The following CFAP43 variants were observed in gnomAD, a reference collection of about 807,000 sequenced individuals.
CFAP43 encodes the protein cilia- and flagella-associated protein 43.
Under a neutral mutation model 218.9 loss-of-function variants are expected in CFAP43, and 155 were observed. The observed-to-expected ratio is 0.71, with a 90% CI of 0.62 to 0.81. CFAP43 has a LOEUF of 0.81. Ranked by LOEUF, CFAP43 falls within the 30% of genes least tolerant of loss-of-function variation. The probability of loss-of-function intolerance (pLI) is 0.00; values close to 1 mark genes in which losing one functional copy is unlikely to be tolerated. For missense variants in CFAP43, 1,778 were observed against 1,954.3 expected (o/e 0.91, Z 1.70); for synonymous variants, 645 against 681.3 (o/e 0.95, Z 0.83).
Position 104,161,056 on chromosome 10 carries a change from T to C in CFAP43, c.3521A>G (p.Glu1174Gly), listed in dbSNP as rs371556592. ...TCTGACCTTTCTATACTTATCTCTT[T>C]CTTCATTTAACTCCTTTACTTTTTT... ...YEKKVKELNE[E>G]RDKYRKSLEA... The change falls in exon 27 of 38, where the codon GAA becomes GGA. Residue 1174 changes from glutamate to glycine, a missense_variant. Glu to Gly is a moderately conservative substitution (Grantham distance 98, BLOSUM62 -2). Around this residue, in one of 3 missense-constraint regions of CFAP43, gnomAD observed 1,553 missense variants for 1,685.2 expected, o/e 0.92. Transcript: ENST00000357060. The C allele has an allele frequency of 9.3e-6, 15 of 1,609,718 alleles. No individual in the cohort carries two copies. The African/African-American group carries it at 1.6e-4, about 17-fold the overall frequency.
intron 8 of CFAP43, among the ~76,000 whole-genome samples, chr10:104,199,090 G>A (rs943252876): frequency 3.3e-5 from 5 of 152,134 alleles, no homozygotes; most frequent in Non-Finnish European, 7.3e-5. Context: ...CCTACCACAT[G>A]CTAAATATAA....
chr10:104,188,793 G>A (rs2090115612), intron 12 of CFAP43, among the ~76,000 whole-genome samples: 1 of 152,112 alleles, frequency 6.6e-6, no homozygotes, highest in Non-Finnish European at 1.5e-5. Flanking sequence ...CTTAGGCATC[G>A]GCCTTCTTTG....
chr10:104,232,015 G>C (rs978383095), intron 1 of CFAP43, among the ~76,000 whole-genome samples, 167 bp downstream of exon 1: 1 of 152,020 alleles, frequency 6.6e-6, no homozygotes, highest in Non-Finnish European at 1.5e-5. Flanking sequence ...GGACAGGGGA[G>C]GTCACACGGG....
chr10:104,217,665 A>G (rs1368798273), intron 3 of CFAP43, among the ~76,000 whole-genome samples: 9 of 152,268 alleles, frequency 5.9e-5, no homozygotes, highest in South Asian at 2.1e-4. Context: ...CAGCACTCCC[A>G]GGTGTTCCAT....
intron 19 of CFAP43, among the ~76,000 whole-genome samples, chr10:104,176,258 A>T (rs534568852): frequency 3.3e-5 from 5 of 152,356 alleles, no homozygotes; most frequent in Admixed American, 6.5e-5. Context: ...ATAGTATATT[A>T]AATAAAACAG....
At position 104,192,208 on chromosome 10, in the gene CFAP43, C is replaced by T. The variant is rs2090248787; in HGVS notation, c.1537G>A (p.Gly513Arg). The T allele has an allele frequency of 6.2e-7, 1 of 1,608,012 alleles. No homozygotes were observed. Among genetic ancestry groups the T allele is most frequent in the Admixed American group, 1.7e-5 (1 of 59,554 alleles). ...GCATTCTATGTTGTACCTGTGAATC[C>T]AATAATCTGAAATGAGCTTGAGGAG... ...ANSSSSFQII[G>R]FTEVAKDILQ... Residue 513 changes from glycine to arginine, a missense_variant, in exon 12 of 38, where the codon GGA becomes AGA. By Grantham distance (125) the Gly-to-Arg change is moderately radical (BLOSUM62 -2). Transcript: ENST00000357060.
chr10:104,214,193 C>T, intron 4 of CFAP43, 66 bp downstream of exon 4: 1 of 1,446,926 alleles, frequency 6.9e-7, no homozygotes, highest in Non-Finnish European at 9.2e-7. Flanking sequence ...TCAAATTGAC[C>T]CAATCACATT....
chr10:104,206,037 G>A lies in CFAP43; in HGVS notation c.896-7C>T, dbSNP rs2090676866. Reference sequence around the variant, plus strand: ...CTGATAAAATTTCTTCTGTCTTCTGGAAAAGAAAAACAAGGTAAAGCAGGT... The same window carrying A: ...CTGATAAAATTTCTTCTGTCTTCTGAAAAAGAAAAACAAGGTAAAGCAGGT... On this transcript the variant is annotated splice_region_variant and splice_polypyrimidine_tract_variant and intron_variant, in intron 6 of 37. Transcript: ENST00000357060. 1 of 1,600,088 alleles carries A rather than the reference G, an allele frequency of 6.2e-7. No individual in the cohort carries two copies. The highest frequency in any genetic ancestry group is 1.8e-5 in the Admixed American group (1 of 56,022).
chr10:104,230,990 G>A (rs1326102596), intron 1 of CFAP43, 147 bp from the exon 2 acceptor site: 1 of 891,118 alleles, frequency 1.1e-6, no homozygotes, highest in East Asian at 2.8e-5. Flanking sequence ...GAACACACAT[G>A]CTGGCTGTGA....
chr10:104,168,911 T>C lies in CFAP43; in HGVS notation c.2587-63A>G, dbSNP rs878892626. Reference sequence around the variant, plus strand: ...AAGTGTGGACTCAGAAATAATAATCTCCATTGTAAACTCACTAAGTAGCCA... The same window carrying C: ...AAGTGTGGACTCAGAAATAATAATCCCCATTGTAAACTCACTAAGTAGCCA... On this transcript the variant is annotated intron_variant, in intron 20 of 37. Coordinates refer to ENST00000357060, the MANE Select transcript of CFAP43 (RefSeq NM_025145.7). 2.7e-5 allele frequency: 36 copies of C among 1,357,246 alleles called. No homozygotes were observed. In the South Asian group the frequency reaches 3.9e-4, roughly 15 times the overall value. 84.1% of individuals were successfully genotyped at this position (1,357,246 alleles called of 1,614,324 possible).
intron 8 of CFAP43, among the ~76,000 whole-genome samples, chr10:104,199,491 A>C (rs1483300885): frequency 1.3e-5 from 2 of 152,258 alleles, no homozygotes; most frequent in African/African-American, 4.8e-5. Flanking sequence ...GTTACAGCAG[A>C]GGATAAAACA....
chr10:104,171,342 C>T (rs774144650), intron 20 of CFAP43, among the ~76,000 whole-genome samples: 2 of 152,148 alleles, frequency 1.3e-5, no homozygotes, highest in Non-Finnish European at 2.9e-5. Flanking sequence ...TACTCTTGTC[C>T]TAATTGTTAT....
intron 11 of CFAP43, chr10:104,193,349 TGTACATA>T (rs1230187375): frequency 1.3e-5 from 2 of 152,368 alleles, no homozygotes; most frequent in Admixed American, 1.3e-4. Context: ...AATGAGGCAT[TGTACATA>T]GTTTTCTCCT....
At position 104,190,135 on chromosome 10, in the gene CFAP43, C is replaced by CAAA. The variant is rs59257656; in HGVS notation, c.1547-1728_1547-1726dup. Among the ~76,000 whole-genome samples the CAAA allele has an allele frequency of 8.5e-4, 43 of 50,748 alleles. 1 individual carries two copies. The highest frequency in any genetic ancestry group is 1.5e-3 in the Admixed American group (7 of 4,646). 33.3% of individuals were successfully genotyped at this position (50,748 alleles called of 152,430 possible). On this transcript the variant is annotated intron_variant, in intron 12 of 37. Transcript: ENST00000357060. ...TGGGCGACAGAGCGAGACTCCATCT[C>CAAA]AAAAAAAAAAAAAAAAAAAAAAAAG...
At chr10:104,160,990 C>T in intron 27 of CFAP43, 47 bp downstream of exon 27, 2 of 1,533,676 alleles carry the variant, frequency 1.3e-6, no homozygotes, top group South Asian at 1.2e-5. Context: ...GATATTTAAA[C>T]AGCACTCTGG....
intron 34 of CFAP43, among the ~76,000 whole-genome samples, chr10:104,134,785 G>A (rs143626877): frequency 1.7e-4 from 26 of 152,192 alleles, no homozygotes; most frequent in African/African-American, 6.3e-4. Flanking sequence ...CTTCACTGAT[G>A]AATTCTATCA....
At chr10:104,177,327 C>T (rs978412316) in intron 19 of CFAP43, among the ~76,000 whole-genome samples, 1 of 152,108 alleles carries the variant, frequency 6.6e-6, no homozygotes, top group Non-Finnish European at 1.5e-5. Context: ...CATCTCTGCT[C>T]GTAGGTCTGA....
chr10:104,205,759 T>C (rs769282752), intron 7 of CFAP43, among the ~76,000 whole-genome samples: 2 of 152,188 alleles, frequency 1.3e-5, no homozygotes, highest in African/African-American at 4.8e-5. Flanking sequence ...TATATGGTAG[T>C]TCATTATATC....
intron 3 of CFAP43, among the ~76,000 whole-genome samples, chr10:104,225,112 C>T (rs1459002853): frequency 6.6e-6 from 1 of 152,052 alleles, no homozygotes; most frequent in African/African-American, 2.4e-5. Flanking sequence ...ATATAGAGAC[C>T]ATCTCAATTT....
Sources: gnomAD v4.1 joint callset for allele counts (sites outside exome capture counted in the v4.1 genomes callset) on GRCh38, gnomAD v4.1.1 for gene constraint, gnomAD v4.1.1 regional missense constraint, MANE v1.5 for transcripts, NCBI Gene and HGNC (gene_info 2026-07-23, HGNC 2026-07-21) for gene names.